The following DOCK4 variants were observed in gnomAD, a reference collection of about 807,000 sequenced individuals.
The protein encoded by DOCK4 is dedicator of cytokinesis 4.
In DOCK4, 97 loss-of-function variants were observed where a neutral mutation model predicts 268.1. The observed-to-expected ratio is 0.36, with a 90% CI of 0.31 to 0.43. The LOEUF (loss-of-function observed/expected upper bound fraction) is 0.43. Among genes scored for constraint, DOCK4 ranks in the 20% least tolerant of loss-of-function variants. The pLI is 1.00. For synonymous variants in DOCK4, 954 were observed against 887.2 expected, an observed-to-expected ratio of 1.08 and a Z score of -1.34; for missense variants, 2,145 against 2,455.7, an observed-to-expected ratio of 0.87 and a Z score of 2.67.
intron 1 of DOCK4, among the ~76,000 whole-genome samples, chr7:112,071,897 A>T (rs1296398915): frequency 6.6e-6 from 1 of 152,204 alleles, no homozygotes; most frequent in Non-Finnish European, 1.5e-5. Flanking sequence ...ATTTCTAGTT[A>T]AAAAGATCAA....
At position 111,895,693 on chromosome 7, in the gene DOCK4, C is replaced by A; in HGVS notation, c.1506G>T (p.Leu502Phe). 1 of 1,613,924 alleles carries A rather than the reference C, an allele frequency of 6.2e-7. No individual in the cohort carries two copies. The highest frequency in any genetic ancestry group is 8.5e-7 in the Non-Finnish European group (1 of 1,179,844). Reference sequence around the variant, plus strand: ...TCAGAGGGACAAAAGAAAACCCAAACAACTTCTTCTCTCCTTTCTCCTTTG... The same window carrying A: ...TCAGAGGGACAAAAGAAAACCCAAAAAACTTCTTCTCTCCTTTCTCCTTTG... The part of the protein sequence containing the change: ...CSTKEKGEKK[L>F]FGFSFVPLMQ... The change falls in exon 16 of 53, where the codon TTG becomes TTT. Residue 502 changes from leucine (L) to phenylalanine (F), a missense_variant. Around this residue, in one of 2 missense-constraint regions of DOCK4, gnomAD observed 1,598 missense variants for 1,986.7 expected, o/e 0.80. Coordinates refer to ENST00000428084, the MANE Select transcript of DOCK4 (RefSeq NM_001363540.2).
At chr7:111,752,308 T>C (rs996448646) in intron 42 of DOCK4, among the ~76,000 whole-genome samples, 2 of 152,086 alleles carry the variant, frequency 1.3e-5, no homozygotes, top group African/African-American at 4.8e-5. Flanking sequence ...CTGGCTGCCA[T>C]GTACAGAGGA....
At chr7:111,768,370 C>G (rs3801779) in intron 37 of DOCK4, among the ~76,000 whole-genome samples, 26,763 of 152,098 alleles carry the variant, frequency 0.18, 6,567 homozygotes, top group African/African-American at 0.55. Context: ...TGTCAGTGTA[C>G]CTAGATAAAT....
At chr7:111,871,286 G>A (rs963887390) in intron 20 of DOCK4, among the ~76,000 whole-genome samples, 2 of 152,192 alleles carry the variant, frequency 1.3e-5, no homozygotes, top group African/African-American at 4.8e-5. Context: ...ACACTCCAAG[G>A]CTATTTAAGC....
intron 2 of DOCK4, 117 bp from the exon 3 acceptor site, chr7:112,000,651 G>A (rs1462692483): frequency 4.3e-6 from 3 of 694,718 alleles, no homozygotes; most frequent in Admixed American, 6.3e-5. Flanking sequence ...AGATTCTATG[G>A]ATAAATATGG....
chr7:111,739,708 A>G, intron 47 of DOCK4: 2 of 533,194 alleles, frequency 3.8e-6, no homozygotes, highest in South Asian at 2.1e-5. Context: ...TCAGCTATAC[A>G]CTGTGACTTC....
At chr7:111,985,034 T>TG (rs1798943564) in intron 6 of DOCK4, among the ~76,000 whole-genome samples, 2 of 152,314 alleles carry the variant, frequency 1.3e-5, no homozygotes, top group South Asian at 4.1e-4. Context: ...CTTGCTGTGC[T>TG]GAGAAGTATT....
intron 1 of DOCK4, among the ~76,000 whole-genome samples, chr7:112,102,190 T>C (rs1810763265): frequency 6.6e-6 from 1 of 152,186 alleles, no homozygotes; most frequent in South Asian, 2.1e-4. Flanking sequence ...GATCTATCTG[T>C]CTCCCACTTC....
intron 8 of DOCK4, among the ~76,000 whole-genome samples, chr7:111,954,848 C>T (rs1796335080): frequency 1.3e-5 from 2 of 152,096 alleles, no homozygotes; most frequent in South Asian, 2.1e-4. Flanking sequence ...GGGTTCGAAC[C>T]GATACAAAGA....
At chr7:111,853,190 T>C (rs569243997) in intron 23 of DOCK4, among the ~76,000 whole-genome samples, 1 of 152,250 alleles carries the variant, frequency 6.6e-6, no homozygotes, top group East Asian at 1.9e-4. Flanking sequence ...TACTTTTGCC[T>C]CCTCTATCAA....
intron 1 of DOCK4, among the ~76,000 whole-genome samples, chr7:112,042,818 G>T (rs559312506): frequency 6.6e-6 from 1 of 152,310 alleles, no homozygotes; most frequent in Non-Finnish European, 1.5e-5. Context: ...GGGCCTTCAA[G>T]GGGTAATTTG....
intron 12 of DOCK4, among the ~76,000 whole-genome samples, chr7:111,916,642 T>C (rs1792608913): frequency 1.3e-5 from 2 of 152,132 alleles, no homozygotes; most frequent in African/African-American, 4.8e-5. Context: ...TTATCATATA[T>C]TATTTTCTCA....
At chr7:111,798,091 G>A (rs1376204862) in intron 30 of DOCK4, among the ~76,000 whole-genome samples, 2 of 152,218 alleles carry the variant, frequency 1.3e-5, no homozygotes, top group African/African-American at 4.8e-5. Context: ...TCCCCGAGGT[G>A]CATCTGCTAG....
chr7:112,025,366 C>G lies in DOCK4; in HGVS notation c.38-21235G>C, dbSNP rs145896355. Among the ~76,000 whole-genome samples the G allele has an allele frequency of 6.1e-3, 926 of 152,218 alleles. 3 individuals are homozygous for G. Among genetic ancestry groups the G allele is most frequent in the Non-Finnish European group, 9.1e-3 (617 of 68,010 alleles). ...CAAGGAATACAACAGACCCAGCTTC[C>G]GATTTATACCGTGGGTTGGAGTAGC... On this transcript the variant is annotated intron_variant, in intron 1 of 52. Transcript: ENST00000428084.
At position 111,899,608 on chromosome 7, in the gene DOCK4, C is replaced by A. The variant is rs138104835; in HGVS notation, c.1480+766G>T. 7.8e-4 allele frequency among the ~76,000 whole-genome samples: 119 copies of A among 152,304 alleles called. 1 individual carries two copies. In the South Asian group the frequency reaches 8.5e-3, roughly 11 times the overall value. ...CATGTGGACAAACCCTGTAACAGTT[C>A]TATGTCTTGGGTTGTTGAGATCTGT... On this transcript the variant is annotated intron_variant, in intron 15 of 52. Transcript: ENST00000428084.
chr7:111,805,324 T>C (rs537531538), intron 30 of DOCK4, among the ~76,000 whole-genome samples: 3 of 152,300 alleles, frequency 2.0e-5, no homozygotes, highest in African/African-American at 7.2e-5. Context: ...CTTCCTCCAG[T>C]TGTGTGAACT....
At chr7:111,910,923 G>C (rs747161947) in intron 13 of DOCK4, among the ~76,000 whole-genome samples, 2 of 152,234 alleles carry the variant, frequency 1.3e-5, no homozygotes, top group Non-Finnish European at 2.9e-5. Context: ...CACACCAGGA[G>C]ACCTGTCTGT....
intron 1 of DOCK4, among the ~76,000 whole-genome samples, chr7:112,198,258 C>T (rs375039333): frequency 2.1e-4 from 32 of 152,080 alleles, no homozygotes; most frequent in Middle Eastern, 3.4e-3. Flanking sequence ...CCCCTACCCA[C>T]GTGAAGATAC....
At chr7:111,968,858 C>T (rs1241502428) in intron 8 of DOCK4, among the ~76,000 whole-genome samples, 2 of 56,086 alleles carry the variant, frequency 3.6e-5, no homozygotes, top group East Asian at 6.6e-4. Context: ...GGCACATATA[C>T]ACCATGGAAT....
Sources: gnomAD v4.1 joint callset for allele counts (sites outside exome capture counted in the v4.1 genomes callset) on GRCh38, gnomAD v4.1.1 for gene constraint, gnomAD v4.1.1 regional missense constraint, MANE v1.5 for transcripts, NCBI Gene and HGNC (gene_info 2026-07-23, HGNC 2026-07-21) for gene names.